The following IRS2 variants were observed in gnomAD, a reference collection of about 807,000 sequenced individuals.
IRS2 encodes insulin receptor substrate 2.
Under a neutral mutation model 70.9 loss-of-function variants are expected in IRS2, and 28 were observed. That is an observed-to-expected ratio of 0.39 (90% confidence interval 0.29 to 0.54). The LOEUF (loss-of-function observed/expected upper bound fraction) is 0.54. IRS2 is among the 20% of genes least tolerant of loss of function. The probability of loss-of-function intolerance (pLI) is 0.59; values close to 1 mark genes in which losing one functional copy is unlikely to be tolerated. For synonymous variants in IRS2, 1,217 were observed against 981.9 expected, an observed-to-expected ratio of 1.24 and a Z score of -4.48; for missense variants, 2,081 against 2,024.1, an observed-to-expected ratio of 1.03 and a Z score of -0.54.
rs775182140 is a variant in IRS2, at chr13:109,783,277, T to A, written c.2777A>T (p.Glu926Val). Residue 926 changes from glutamate (E) to valine (V), a missense_variant, in exon 1 of 2, where the codon GAG (glutamate) becomes GTG (valine). Glu to Val is a moderately radical substitution (Grantham distance 121). Coordinates refer to ENST00000375856, the MANE Select transcript of IRS2 (RefSeq NM_003749.3). ...PGEYINIDFG[E>V]PGARLSPPAP... is the part of the protein sequence containing the mutation. ...GGGCGGCGACAGGCGGGCCCCGGGC[T>A]CGCCAAAGTCGATGTTGATGTACTC... The A allele has an allele frequency of 2.0e-6, 3 of 1,468,250 alleles. No homozygotes were observed. The highest frequency in any genetic ancestry group is 1.5e-5 in the African/African-American group (1 of 68,296). 91.0% of individuals were successfully genotyped at this position (1,468,250 alleles called of 1,614,324 possible).
At chr13:109,762,893 A>T (rs1416705274) in intron 1 of IRS2, among the ~76,000 whole-genome samples, 1 of 152,250 alleles carries the variant, frequency 6.6e-6, no homozygotes, top group African/African-American at 2.4e-5. Context: ...CGTGAGACCC[A>T]GAAGAAAAGA....
In IRS2 at chr13:109,785,001, C is replaced by A; in HGVS notation, c.1053G>T (p.Pro351=). ...GGCACGAGCTGCACTTGGCCGCCGG[C>A]GGGGTGGCGGCCAGGCTGTCGGTGC... ...RSRTDSLAAT[P]PAAKCSSCRV... Residue 351 remains proline, a synonymous_variant, in exon 1 of 2, where the codon CCG becomes CCT. Transcript: ENST00000375856. This position sits in a 1 kb window ranked among gnomAD's most constrained non-coding sequence, Gnocchi z 9.3. 3 of 1,408,162 alleles carry A rather than the reference C, an allele frequency of 2.1e-6. No homozygotes were observed. The highest frequency in any genetic ancestry group is 2.8e-6 in the Non-Finnish European group (3 of 1,087,294). The allele number at this position is 1,408,162 out of a possible 1,614,324, so 87.2% of individuals were successfully genotyped here.
Position 109,783,039 on chromosome 13 carries a change from G to A in IRS2, c.3015C>T (p.Leu1005=). 1 of 1,368,288 alleles carries A rather than the reference G, an allele frequency of 7.3e-7. No individual in the cohort carries two copies. Among genetic ancestry groups the A allele is most frequent in the Non-Finnish European group, 9.4e-7 (1 of 1,066,302 alleles). 84.8% of individuals were successfully genotyped at this position (1,368,288 alleles called of 1,614,324 possible). Residue 1005 remains leucine, a synonymous_variant, in exon 1 of 2, where the codon CTC becomes CTT. Transcript: ENST00000375856. The stretch of plus-strand genomic sequence containing the variant: ...ACGGGGAGGAGGCCTCGGGGGACAG[G>A]AGGCCGTCCAAGGAGCCCACGGGGT... ...SGHPVGSLDG[L]LSPEASSPYP... is the part of the protein sequence containing the mutation.
At position 109,783,875 on chromosome 13, in the gene IRS2, A is replaced by T; in HGVS notation, c.2179T>A (p.Tyr727Asn). Residue 727 changes from tyrosine to asparagine, a missense_variant, in exon 1 of 2, where the codon TAC (tyrosine) becomes AAC (asparagine). By Grantham distance (143) the Tyr-to-Asn change is moderately radical (BLOSUM62 -2). Transcript: ENST00000375856. Reference protein sequence around the residue: ...GRTFPASGGGYKASSPAESSP... With the variant: ...GRTFPASGGGNKASSPAESSP... ...CTCTCGGCGGGCGAGCTGGCCTTGT[A>T]GCCGCCCCCGCTCGCCGGGAATGTC... 1 of 1,550,634 alleles carries T rather than the reference A, an allele frequency of 6.4e-7. No homozygotes were observed. The highest frequency in any genetic ancestry group is 8.7e-7 in the Non-Finnish European group (1 of 1,147,676).
In IRS2 at chr13:109,782,340, G is replaced by T. The variant is rs746624825; in HGVS notation, c.3714C>A (p.Pro1238=). 3 of 1,611,638 alleles carry T rather than the reference G, an allele frequency of 1.9e-6. No individual in the cohort carries two copies. The African/African-American group carries it at 4.0e-5, about 22-fold the overall frequency. ...AGCCGGCAGAGGTCTCTCTGCGCAT[G>T]GGCGATCCACCGCTCCCAGGACAAC... ...LVGCPGSGGS[P]MRRETSAGFQ... The change falls in exon 1 of 2, where the codon CCC becomes CCA. Residue 1238 remains proline (P), a synonymous_variant. Coordinates refer to ENST00000375856, the MANE Select transcript of IRS2 (RefSeq NM_003749.3).
At position 109,784,834 on chromosome 13, in the gene IRS2, C is replaced by T; in HGVS notation, c.1220G>A (p.Gly407Asp). 1 of 1,252,124 alleles carries T rather than the reference C, an allele frequency of 8.0e-7. No homozygotes were observed. The highest frequency in any genetic ancestry group is 1.0e-6 in the Non-Finnish European group (1 of 989,430). The allele number at this position is 1,252,124 out of a possible 1,614,324, so 77.6% of individuals were successfully genotyped here. A position where few individuals can be genotyped will look rare whatever the true frequency, so the allele number is the denominator to read the frequency against. Residue 407 changes from glycine to aspartate, a missense_variant, in exon 1 of 2, where the codon GGC becomes GAC. Gly to Asp is a moderately conservative substitution (Grantham distance 94, BLOSUM62 -1). This residue lies in a region of IRS2 where 1,615 missense variants were observed against 1,459.5 expected (regional missense o/e 1.11). Coordinates refer to ENST00000375856, the MANE Select transcript of IRS2 (RefSeq NM_003749.3). This position sits in a 1 kb window ranked among gnomAD's most constrained non-coding sequence, Gnocchi z 5.2. ...CTTGCTCCCGCGGCCGCCGCAGCCG[C>T]CGCTCAGGGTGTGCGAGCGGCTCAG... Reference protein sequence around the residue: ...APLSRSHTLSGGCGGRGSKVA... With the variant: ...APLSRSHTLSDGCGGRGSKVA...
Position 109,785,406 on chromosome 13 carries a change from C to T in IRS2, c.648G>A (p.Val216=), listed in dbSNP as rs746403836. Reference sequence around the variant, plus strand: ...TGCGCGCAGACAGGCACAGACGGTACACCCCCGTCAGGTTCTTGCTCTGGC... The same window carrying T: ...TGCGCGCAGACAGGCACAGACGGTATACCCCCGTCAGGTTCTTGCTCTGGC... ...GLGQSKNLTG[V]YRLCLSARTI... The change falls in exon 1 of 2, where the codon GTG becomes GTA. Residue 216 remains valine (V), a synonymous_variant. Coordinates refer to ENST00000375856, the MANE Select transcript of IRS2 (RefSeq NM_003749.3). The surrounding 1 kb of genome is among the most constrained non-coding windows in gnomAD (Gnocchi z 9.3). 5.0e-6 allele frequency: 8 copies of T among 1,612,470 alleles called. No individual in the cohort carries two copies. In the East Asian group the frequency reaches 1.6e-4, roughly 31 times the overall value.
rs1368012300 is a variant in IRS2 at position 109,784,711 on chromosome 13, A to T, written c.1343T>A (p.Leu448Gln). The T allele has an allele frequency of 1.6e-6, 2 of 1,230,540 alleles. No homozygotes were observed. The allele number at this position is 1,230,540 out of a possible 1,614,324, so 76.2% of individuals were successfully genotyped here. The stretch of plus-strand genomic sequence containing the variant: ...CGAGCCGTGGCCGCTGCTGGACGAC[A>T]GGGAGCCGGGGCTGGTGGCGGCGGG... ...SPPAATSPGS[L>Q]SSSSGHGSGS... Residue 448 changes from leucine to glutamine, a missense_variant, in exon 1 of 2, where the codon CTG (leucine) becomes CAG (glutamine). Physicochemically the swap from Leu to Gln is moderately radical, Grantham distance 113. Transcript: ENST00000375856. This position sits in a 1 kb window ranked among gnomAD's most constrained non-coding sequence, Gnocchi z 5.2.
intron 1 of IRS2, among the ~76,000 whole-genome samples, chr13:109,767,716 C>T (rs1185976323): frequency 2.7e-5 from 4 of 149,518 alleles, no homozygotes; most frequent in Admixed American, 2.0e-4. Context: ...AAAATCAGCT[C>T]GACCATTTTT....
chr13:109,761,102 A>T (rs1338165881), intron 1 of IRS2, among the ~76,000 whole-genome samples: 1 of 152,214 alleles, frequency 6.6e-6, no homozygotes. Context: ...AAAATCCAGG[A>T]TATACACCTG....
At chr13:109,770,517 G>A (rs1031297663) in intron 1 of IRS2, among the ~76,000 whole-genome samples, 1 of 152,204 alleles carries the variant, frequency 6.6e-6, no homozygotes, top group Admixed American at 6.5e-5. Context: ...GGGTGAAGGG[G>A]TGAAACATCT....
At chr13:109,767,172 G>C (rs1436467474) in intron 1 of IRS2, among the ~76,000 whole-genome samples, 3 of 152,120 alleles carry the variant, frequency 2.0e-5, no homozygotes, top group Admixed American at 6.5e-5. Flanking sequence ...CCAGCAGTTG[G>C]ATTCAGAGTG....
intron 1 of IRS2, among the ~76,000 whole-genome samples, chr13:109,775,873 G>A (rs1351697957): frequency 6.6e-6 from 1 of 151,694 alleles, no homozygotes; most frequent in East Asian, 1.9e-4. Context: ...CATTAGGCCG[G>A]GCGCAGTGGC....
chr13:109,785,826 G>A lies in IRS2; in HGVS notation c.228C>T (p.Tyr76=). Residue 76 remains tyrosine (Y), a synonymous_variant, in exon 1 of 2, where the codon TAC becomes TAT. Coordinates refer to ENST00000375856, the MANE Select transcript of IRS2 (RefSeq NM_003749.3). This position sits in a 1 kb window ranked among gnomAD's most constrained non-coding sequence, Gnocchi z 9.3. ...SAPQPPRLEY[Y]ESEKKWRSKA... is the part of the protein sequence containing the mutation. ...TGCTCCGCCACTTTTTCTCGCTCTC[G>A]TAGTACTCGAGCCGCGGCGGTTGCG... 1 of 1,565,248 alleles carries A rather than the reference G, an allele frequency of 6.4e-7. No homozygotes were observed. Among genetic ancestry groups the A allele is most frequent in the Non-Finnish European group, 8.6e-7 (1 of 1,163,594 alleles).
chr13:109,785,160 G>A lies in IRS2; in HGVS notation c.894C>T (p.Phe298=), dbSNP rs1448817819. ...LEAMKALKEL[F]EFRPRSKSQS... Reference sequence around the variant, plus strand: ...GGCTCTTACTGCGCGGCCGGAACTCGAAGAGCTCCTTGAGCGCCTTCATGG... The same window carrying A: ...GGCTCTTACTGCGCGGCCGGAACTCAAAGAGCTCCTTGAGCGCCTTCATGG... Residue 298 remains phenylalanine, a synonymous_variant, in exon 1 of 2, where the codon TTC becomes TTT. Coordinates refer to ENST00000375856, the MANE Select transcript of IRS2 (RefSeq NM_003749.3). The surrounding 1 kb of genome is among the most constrained non-coding windows in gnomAD (Gnocchi z 9.3). 1 of 1,599,938 alleles carries A rather than the reference G, an allele frequency of 6.3e-7. No homozygotes were observed. Among genetic ancestry groups the A allele is most frequent in the Non-Finnish European group, 8.5e-7 (1 of 1,174,218 alleles).
At chr13:109,762,081 T>C (rs549512569) in intron 1 of IRS2, among the ~76,000 whole-genome samples, 59 of 152,314 alleles carry the variant, frequency 3.9e-4, no homozygotes, top group African/African-American at 1.3e-3. Context: ...AACTTTCCTA[T>C]ACAGGAGCCT....
At chr13:109,756,698 G>A (rs1404978945) in intron 1 of IRS2, among the ~76,000 whole-genome samples, 1 of 152,218 alleles carries the variant, frequency 6.6e-6, no homozygotes, top group African/African-American at 2.4e-5. Context: ...GATGCTTCCT[G>A]TGTTGTGTGG....
At chr13:109,773,397 A>C (rs1425545788) in intron 1 of IRS2, among the ~76,000 whole-genome samples, 2 of 152,198 alleles carry the variant, frequency 1.3e-5, no homozygotes, top group Non-Finnish European at 2.9e-5. Flanking sequence ...ATAATGGGGA[A>C]TATATGATAT....
At chr13:109,773,954 AC>A (rs1390849999) in intron 1 of IRS2, among the ~76,000 whole-genome samples, 1 of 152,078 alleles carries the variant, frequency 6.6e-6, no homozygotes, top group Non-Finnish European at 1.5e-5. Flanking sequence ...TCTACAAACA[AC>A]TCTACCACTA....
Sources: gnomAD v4.1 joint callset for allele counts (sites outside exome capture counted in the v4.1 genomes callset) on GRCh38, gnomAD v4.1.1 for gene constraint, gnomAD v4.1.1 regional missense constraint, Gnocchi (gnomAD v3.1) non-coding constraint, MANE v1.5 for transcripts, NCBI Gene and HGNC (gene_info 2026-07-23, HGNC 2026-07-21) for gene names.